KANK1: variants seen among roughly 807,000 people sequenced by gnomAD.
KANK1 encodes the protein KN motif and ankyrin repeat domain-containing protein 1.
KANK1 carries 109 observed loss-of-function variants against 106.2 expected under a neutral mutation model. That is an observed-to-expected ratio of 1.03 (90% CI 0.88 to 1.20). KANK1 has a LOEUF of 1.20. Ranked by LOEUF, KANK1 falls within the 50% of genes most tolerant of loss-of-function variation. The probability of loss-of-function intolerance (pLI) is 0.00; values close to 1 mark genes in which losing one functional copy is unlikely to be tolerated. For synonymous variants in KANK1, 873 were observed against 652.2 expected, an observed-to-expected ratio of 1.34 and a Z score of -5.16; for missense variants, 2,399 against 1,710.7, an observed-to-expected ratio of 1.40 and a Z score of -7.10.
intron 1 of KANK1, among the ~76,000 whole-genome samples, chr9:648,748 T>G (rs1840267125): frequency 6.6e-6 from 1 of 152,190 alleles, no homozygotes. Context: ...GAAGCTGTTT[T>G]GAAGCTTATC....
intron 1 of KANK1, among the ~76,000 whole-genome samples, chr9:533,739 A>G (rs1398912883): frequency 6.6e-6 from 1 of 152,206 alleles, no homozygotes; most frequent in Non-Finnish European, 1.5e-5. Flanking sequence ...AGTGAGACAG[A>G]TGCAAAGGTC....
chr9:545,442 C>G (rs1587685458), intron 1 of KANK1, among the ~76,000 whole-genome samples: 1 of 152,010 alleles, frequency 6.6e-6, no homozygotes, highest in African/African-American at 2.4e-5. Context: ...GTAACTGCAG[C>G]GGATGAGGTG....
chr9:609,753 G>C (rs903912809), intron 1 of KANK1, among the ~76,000 whole-genome samples: 1 of 152,004 alleles, frequency 6.6e-6, no homozygotes, highest in African/African-American at 2.4e-5. Context: ...TCTAAATAAA[G>C]GAGAAGTATC....
chr9:496,920 ATATTT>A (rs1193158455), intron 3 of KANK1, among the ~76,000 whole-genome samples: 2 of 152,188 alleles, frequency 1.3e-5, no homozygotes, highest in African/African-American at 4.8e-5. Flanking sequence ...TGCTCTATAA[ATATTT>A]TATAATAGTA....
At chr9:504,805 C>G (rs1166621860) in intron 1 of KANK1, 51 bp downstream of exon 1, 1 of 21,502 alleles carries the variant, frequency 4.7e-5, no homozygotes, top group East Asian at 3.5e-3. Context: ...GCGAGGTTGT[C>G]CCGGAGCGCG....
intron 2 of KANK1, chr9:680,891 T>A (rs532743772): frequency 6.6e-6 from 1 of 152,232 alleles, no homozygotes; most frequent in African/African-American, 2.4e-5. Flanking sequence ...CTACTTCTCT[T>A]GATTGGTACA....
intron 1 of KANK1, among the ~76,000 whole-genome samples, chr9:511,928 T>G (rs1200893168): frequency 6.6e-6 from 1 of 152,110 alleles, no homozygotes; most frequent in African/African-American, 2.4e-5. Flanking sequence ...CTGGGCTGGG[T>G]GATTCTGCTG....
At chr9:743,803 C>A (rs754461968) in intron 10 of KANK1, among the ~76,000 whole-genome samples, 94 of 152,262 alleles carry the variant, frequency 6.2e-4, no homozygotes, top group Non-Finnish European at 5.7e-4. Context: ...TCAAGGCTAC[C>A]GTGATCTGTG....
At chr9:659,796 C>T (rs1167846275) in intron 1 of KANK1, among the ~76,000 whole-genome samples, 3 of 151,978 alleles carry the variant, frequency 2.0e-5, no homozygotes, top group African/African-American at 7.3e-5. Flanking sequence ...GCCCCTCTTC[C>T]AGCACGGAGG....
intron 1 of KANK1, among the ~76,000 whole-genome samples, chr9:617,234 G>A (rs957512362): frequency 2.0e-5 from 3 of 152,030 alleles, no homozygotes; most frequent in Admixed American, 1.3e-4. Flanking sequence ...CAGTGGTTTA[G>A]TTTCTTTAAC....
chr9:654,413 G>A (rs995549803), intron 1 of KANK1, among the ~76,000 whole-genome samples: 1 of 152,190 alleles, frequency 6.6e-6, no homozygotes, highest in African/African-American at 2.4e-5. Flanking sequence ...ATCTCTGGGA[G>A]AATCTTGGAA....
intron 1 of KANK1, among the ~76,000 whole-genome samples, chr9:641,184 A>G (rs1438021379): frequency 6.6e-6 from 1 of 152,236 alleles, no homozygotes; most frequent in Non-Finnish European, 1.5e-5. Context: ...ATGGTGAGAA[A>G]TGCAGTAAGA....
intron 1 of KANK1, among the ~76,000 whole-genome samples, chr9:640,055 C>A (rs959057382): frequency 2.6e-5 from 4 of 152,236 alleles, no homozygotes; most frequent in Middle Eastern, 3.4e-3. Flanking sequence ...CCATAGCAGT[C>A]TCTCAGACCT....
At chr9:676,383 T>C (rs1018862111) in intron 1 of KANK1, among the ~76,000 whole-genome samples, 2 of 152,156 alleles carry the variant, frequency 1.3e-5, no homozygotes, top group African/African-American at 4.8e-5. Context: ...TTTAGAAAGG[T>C]GGTTGCATGT....
chr9:545,793 T>C (rs1016638116), intron 1 of KANK1, among the ~76,000 whole-genome samples: 4 of 142,372 alleles, frequency 2.8e-5, no homozygotes, highest in Non-Finnish European at 6.0e-5. Flanking sequence ...TCGCCCAGGA[T>C]GGAGCGCAGT....
intron 3 of KANK1, among the ~76,000 whole-genome samples, chr9:715,271 A>G (rs1827372936): frequency 6.6e-6 from 1 of 152,352 alleles, no homozygotes; most frequent in East Asian, 1.9e-4. Context: ...AGACTCAAAC[A>G]GAGTCTGCAA....
rs115012862 is a variant in KANK1, at chr9:688,477, G to A, written c.37+11468G>A. On this transcript the variant is annotated intron_variant, in intron 2 of 11. Transcript: ENST00000382297. ...AAAAATTAGCTGGGCGTCGCAGCGGGCACCTGTAATCCCAACTACTTGGGA... is the reference window on the plus strand; with the variant it reads ...AAAAATTAGCTGGGCGTCGCAGCGGACACCTGTAATCCCAACTACTTGGGA... 5.1e-3 allele frequency among the ~76,000 whole-genome samples: 781 copies of A among 152,142 alleles called. 3 individuals are homozygous for A. The highest frequency in any genetic ancestry group is 0.018 in the African/African-American group (741 of 41,508).
chr9:627,539 G>C (rs983363319), intron 1 of KANK1, among the ~76,000 whole-genome samples: 1 of 152,208 alleles, frequency 6.6e-6, no homozygotes, highest in African/African-American at 2.4e-5. Context: ...TGATGGTGTT[G>C]AGGGTGTTTT....
chr9:675,626 A>AC (rs1816260228), intron 1 of KANK1, among the ~76,000 whole-genome samples: 1 of 152,088 alleles, frequency 6.6e-6, no homozygotes, highest in African/African-American at 2.4e-5. Context: ...CCCAATGTGG[A>AC]CCCCGGTGTT....
Sources: gnomAD v4.1 joint callset for allele counts (sites outside exome capture counted in the v4.1 genomes callset) on GRCh38, gnomAD v4.1.1 for gene constraint, MANE v1.5 for transcripts, NCBI Gene and HGNC (gene_info 2026-07-23, HGNC 2026-07-21) for gene names.